KANK1: variants seen among roughly 807,000 people sequenced by gnomAD.
The protein encoded by KANK1 is KN motif and ankyrin repeat domain-containing protein 1.
In KANK1, 109 loss-of-function variants were observed where a neutral mutation model predicts 106.2. That is an observed-to-expected ratio of 1.03 (90% CI 0.88 to 1.20). The LOEUF is 1.20. Ranked by LOEUF, KANK1 falls within the 50% of genes most tolerant of loss-of-function variation. The pLI, the probability that KANK1 is intolerant of heterozygous loss-of-function variation, is 0.00. For missense variants in KANK1, 2,399 were observed against 1,710.7 expected (o/e 1.40, Z -7.10); for synonymous variants, 873 against 652.2 (o/e 1.34, Z -5.16).
chr9:696,698 TTTC>T (rs1402291887), intron 2 of KANK1, among the ~76,000 whole-genome samples: 1 of 152,156 alleles, frequency 6.6e-6, no homozygotes, highest in Non-Finnish European at 1.5e-5. Flanking sequence ...GCTTTTAGGC[TTTC>T]TTCTTTAAAG....
chr9:688,017 G>C (rs1182080190), intron 2 of KANK1, among the ~76,000 whole-genome samples: 2 of 152,158 alleles, frequency 1.3e-5, no homozygotes, highest in South Asian at 4.1e-4. Context: ...GCATGATGCT[G>C]GGCATATAAT....
intron 1 of KANK1, among the ~76,000 whole-genome samples, chr9:657,142 A>C (rs1286338374): frequency 6.6e-6 from 1 of 152,148 alleles, no homozygotes; most frequent in East Asian, 1.9e-4. Context: ...TGATTGGCTT[A>C]TTTCACTTAG....
chr9:740,225 C>G (rs1029557444), intron 8 of KANK1, among the ~76,000 whole-genome samples: 3 of 152,128 alleles, frequency 2.0e-5, no homozygotes, highest in African/African-American at 7.2e-5. Flanking sequence ...GTTAAGGGGA[C>G]TTAACTGCAT....
chr9:593,297 A>T (rs919061011), intron 1 of KANK1, among the ~76,000 whole-genome samples: 2 of 151,862 alleles, frequency 1.3e-5, no homozygotes, highest in East Asian at 3.8e-4. Context: ...AGATGTGCCC[A>T]TTCTCACATA....
chr9:552,125 A>G (rs1265461607), intron 1 of KANK1, among the ~76,000 whole-genome samples: 1 of 152,174 alleles, frequency 6.6e-6, no homozygotes, highest in Non-Finnish European at 1.5e-5. Flanking sequence ...ATTCTTGAGA[A>G]GTGACTTAAG....
In KANK1 at chr9:712,982, G is replaced by T; in HGVS notation, c.2216G>T (p.Gly739Val). Reference sequence around the variant, plus strand: ...ACCAAGACGCGGTCCATTGGTGTTGGAACGTTGCTTTCTGGCCATTCTGGG... The same window carrying T: ...ACCAAGACGCGGTCCATTGGTGTTGTAACGTTGCTTTCTGGCCATTCTGGG... ...SSTKTRSIGV[G>V]TLLSGHSGFD... The change falls in exon 3 of 12, where the codon GGA becomes GTA. Residue 739 changes from glycine (G) to valine (V), a missense_variant. By Grantham distance (109) the Gly-to-Val change is moderately radical. Transcript: ENST00000382297. The T allele has an allele frequency of 6.2e-7, 1 of 1,614,202 alleles. No individual in the cohort carries two copies. The highest frequency in any genetic ancestry group is 8.5e-7 in the Non-Finnish European group (1 of 1,180,036).
At position 541,153 on chromosome 9, in the gene KANK1, G is replaced by C. The variant is rs183439015; in HGVS notation, c.-84+36399G>C. ...AAAAACACAAAAAAACAGAGAGCTG[G>C]AGGCATCATGCTACTTGACTTCAAA... On this transcript the variant is annotated intron_variant, in intron 1 of 11. Transcript: ENST00000382297. Among the ~76,000 whole-genome samples the C allele has an allele frequency of 8.1e-4, 123 of 152,150 alleles. 1 individual carries two copies. The highest frequency in any genetic ancestry group is 2.9e-3 in the African/African-American group (120 of 41,514).
intron 2 of KANK1, among the ~76,000 whole-genome samples, chr9:678,070 T>C (rs563322859): frequency 4.1e-4 from 62 of 152,316 alleles, no homozygotes; most frequent in African/African-American, 1.4e-3. Flanking sequence ...CTTTTTATTC[T>C]AGCGGTCTCA....
At chr9:629,340 A>G (rs1588396797) in intron 1 of KANK1, among the ~76,000 whole-genome samples, 1 of 151,292 alleles carries the variant, frequency 6.6e-6, no homozygotes, top group Non-Finnish European at 1.5e-5. Context: ...GTCACGAGTC[A>G]CTCTCTCTCT....
chr9:633,519 A>G (rs113778135), intron 1 of KANK1, among the ~76,000 whole-genome samples: 1 of 152,202 alleles, frequency 6.6e-6, no homozygotes, highest in East Asian at 1.9e-4. Flanking sequence ...TACTTCCAAC[A>G]GTGCTACCCC....
At chr9:604,875 A>T (rs1828697085) in intron 1 of KANK1, among the ~76,000 whole-genome samples, 1 of 151,896 alleles carries the variant, frequency 6.6e-6, no homozygotes. Context: ...CCAGCCATGC[A>T]GAACTGTGAG....
intron 1 of KANK1, among the ~76,000 whole-genome samples, chr9:514,194 T>TCCTCTCTCCCTC (rs2059171775): frequency 3.3e-5 from 1 of 30,372 alleles, no homozygotes; most frequent in African/African-American, 4.3e-4. Context: ...CTCCCTCCCT[T>TCCTCTCTCCCTC]CCTCCCTCCC....
At chr9:731,954 T>G in intron 5 of KANK1, 1 of 157,698 alleles carries the variant, frequency 6.3e-6, no homozygotes, top group Non-Finnish European at 1.4e-5. Context: ...GGCCAGGAGA[T>G]TTTGGAGGGC....
intron 11 of KANK1, chr9:744,952 T>G (rs1249519439): frequency 2.8e-6 from 4 of 1,452,796 alleles, no homozygotes; most frequent in African/African-American, 1.4e-5. Context: ...CAGTTCACTC[T>G]GAGTGGGAAG....
chr9:472,850 A>G (rs1232606938), intron 2 of KANK1, among the ~76,000 whole-genome samples: 2 of 152,196 alleles, frequency 1.3e-5, no homozygotes, highest in Non-Finnish European at 2.9e-5. Context: ...GAGTGATGCT[A>G]TCTTGGATTT....
chr9:725,274 C>G (rs1204172462), intron 3 of KANK1, among the ~76,000 whole-genome samples: 1 of 152,046 alleles, frequency 6.6e-6, no homozygotes, highest in Non-Finnish European at 1.5e-5. Context: ...GGTGATATCC[C>G]TTGAGGTCAG....
In KANK1 at chr9:742,378, C is replaced by G; in HGVS notation, c.3870C>G (p.Pro1290=). The G allele has an allele frequency of 1.2e-6, 2 of 1,613,772 alleles. No homozygotes were observed. Among genetic ancestry groups the G allele is most frequent in the Non-Finnish European group, 1.7e-6 (2 of 1,179,862 alleles). ...VEIVKLLLAQ[P]GCNGHLEDND... ...TTGTCAAGCTGCTGCTGGCCCAGCC[C>G]GGCTGCAACGGTCACCTAGAGGACA... is the stretch of plus-strand genomic sequence containing the variant. The change falls in exon 10 of 12, where the codon CCC becomes CCG. Residue 1290 remains proline, a synonymous_variant. Coordinates refer to ENST00000382297, the MANE Select transcript of KANK1 (RefSeq NM_015158.5).
chr9:645,404 C>T (rs968135941), intron 1 of KANK1, among the ~76,000 whole-genome samples: 5 of 124,768 alleles, frequency 4.0e-5, no homozygotes, highest in Non-Finnish European at 6.3e-5. Flanking sequence ...CATACCACTA[C>T]ACTCCAGGCT....
intron 1 of KANK1, among the ~76,000 whole-genome samples, chr9:525,043 C>G (rs1445658729): frequency 3.7e-5 from 5 of 136,806 alleles, no homozygotes; most frequent in Admixed American, 1.6e-4. Context: ...CTGGAGAGCA[C>G]TGGCTCACTG....
Sources: allele counts gnomAD v4.1 joint callset (sites outside exome capture counted in the v4.1 genomes callset), GRCh38; gene constraint gnomAD v4.1.1; transcripts MANE v1.5; gene names NCBI Gene and HGNC (gene_info 2026-07-23, HGNC 2026-07-21).